SYNGR2: variants seen among roughly 807,000 people sequenced by gnomAD.
The protein encoded by SYNGR2 is synaptogyrin-2.
In SYNGR2, 11 loss-of-function variants were observed where a neutral mutation model predicts 18.7. That is an observed-to-expected ratio of 0.59 (90% CI 0.37 to 0.97). SYNGR2 has a LOEUF of 0.97. Ranked by LOEUF, SYNGR2 falls within the 50% of genes least tolerant of loss-of-function variation. The pLI is 0.01. For missense variants in SYNGR2, 253 were observed against 300.7 expected (o/e 0.84, Z 1.17); for synonymous variants, 127 against 131.0 (o/e 0.97, Z 0.21).
chr17:78,172,309 T>G lies in SYNGR2; in HGVS notation c.*373T>G, dbSNP rs1002089454. Reference sequence around the variant, plus strand: ...GGTCAGGCCGTGGGAGCCGCTATTATCTGCGTTCTCTGCCAAAGACTCGTG... The same window carrying G: ...GGTCAGGCCGTGGGAGCCGCTATTAGCTGCGTTCTCTGCCAAAGACTCGTG... On this transcript the variant is annotated 3_prime_UTR_variant, in exon 4 of 4. Transcript: ENST00000225777. 5 of 469,298 alleles carry G rather than the reference T, an allele frequency of 1.1e-5. No individual in the cohort carries two copies. The East Asian group carries it at 1.7e-4, about 16-fold the overall frequency. 29.1% of individuals were successfully genotyped at this position (469,298 alleles called of 1,614,324 possible). A position where few individuals can be genotyped will look rare whatever the true frequency, so the allele number is the denominator to read the frequency against.
chr17:78,172,314 G>C lies in SYNGR2; in HGVS notation c.*378G>C. 1 of 461,552 alleles carries C rather than the reference G, an allele frequency of 2.2e-6. No homozygotes were observed. The highest frequency in any genetic ancestry group is 3.9e-6 in the Non-Finnish European group (1 of 257,454). 28.6% of individuals were successfully genotyped at this position (461,552 alleles called of 1,614,324 possible). On this transcript the variant is annotated 3_prime_UTR_variant, in exon 4 of 4. Coordinates refer to ENST00000225777, the MANE Select transcript of SYNGR2 (RefSeq NM_004710.7). ...GGCCGTGGGAGCCGCTATTATCTGC[G>C]TTCTCTGCCAAAGACTCGTGGGGGC...
At chr17:78,170,568 A>G (rs142927724) in intron 1 of SYNGR2, 172 of 529,520 alleles carry the variant, frequency 3.2e-4, no homozygotes, top group Non-Finnish European at 5.4e-4. Flanking sequence ...GGCACCTGTA[A>G]TCCCAGCTAC....
Position 78,171,735 on chromosome 17 carries a change from G to A in SYNGR2, c.478-4G>A. 1 of 1,613,982 alleles carries A rather than the reference G, an allele frequency of 6.2e-7. No individual in the cohort carries two copies. Among genetic ancestry groups the A allele is most frequent in the South Asian group, 1.1e-5 (1 of 91,076 alleles). On this transcript the variant is annotated splice_region_variant and splice_polypyrimidine_tract_variant and intron_variant, in intron 3 of 3. Transcript: ENST00000225777. This position sits in a 1 kb window ranked among gnomAD's most constrained non-coding sequence, Gnocchi z 6.6. ...ACCTGTACCCTGCTGTGCTCCCCCT[G>A]CAGGGTGTGCTGGCCTCCCTGGCCT...
rs867962452 is a variant in SYNGR2 at position 78,171,405 on chromosome 17, A to C, written c.338-105A>C. The C allele has an allele frequency of 2.2e-6, 3 of 1,378,804 alleles. No homozygotes were observed. The Middle Eastern group carries it at 5.6e-4, about 259-fold the overall frequency. The allele number at this position is 1,378,804 out of a possible 1,614,324, so 85.4% of individuals were successfully genotyped here. ...CCAAGTCCTCCCCTCCATAGTGTGGAGGCTCCCCCGGGAGGTCCCTGCCCT... is the reference window on the plus strand; with the variant it reads ...CCAAGTCCTCCCCTCCATAGTGTGGCGGCTCCCCCGGGAGGTCCCTGCCCT... On this transcript the variant is annotated intron_variant, in intron 2 of 3. Transcript: ENST00000225777. This position sits in a 1 kb window ranked among gnomAD's most constrained non-coding sequence, Gnocchi z 6.6.
rs1235340644 is a variant in SYNGR2 at position 78,170,959 on chromosome 17, C to T, written c.242C>T (p.Ala81Val). 6.2e-7 allele frequency: 1 copy of T among 1,613,322 alleles called. No individual in the cohort carries two copies. Among genetic ancestry groups the T allele is most frequent in the East Asian group, 2.2e-5 (1 of 44,880 alleles). ...GCCATCGGGGTGCTGGCCTTCCTGGCCTCGGCCTTCTTCTTGGTGGTCGAC... is the reference window on the plus strand; with the variant it reads ...GCCATCGGGGTGCTGGCCTTCCTGGTCTCGGCCTTCTTCTTGGTGGTCGAC... ...GSAIGVLAFL[A>V]SAFFLVVDAY... is the part of the protein sequence containing the mutation. The change falls in exon 2 of 4, where the codon GCC becomes GTC. Residue 81 changes from alanine (A) to valine (V), a missense_variant. Coordinates refer to ENST00000225777, the MANE Select transcript of SYNGR2 (RefSeq NM_004710.7).
Position 78,168,695 on chromosome 17 carries a change from G to T in SYNGR2, c.79G>T (p.Val27Leu). ...GCGCTTCCTGACGCAGCCGCAGGTG[G>T]TGGCGCGCGCCGTGTGCTTGGTGAG... Reference protein sequence around the residue: ...LRRFLTQPQVVARAVCLVFAL... With the variant: ...LRRFLTQPQVLARAVCLVFAL... Residue 27 changes from valine to leucine, a missense_variant, in exon 1 of 4, where the codon GTG (valine) becomes TTG (leucine). Transcript: ENST00000225777. 2 of 1,202,504 alleles carry T rather than the reference G, an allele frequency of 1.7e-6. No homozygotes were observed. The highest frequency in any genetic ancestry group is 2.1e-6 in the Non-Finnish European group (2 of 968,948). The allele number at this position is 1,202,504 out of a possible 1,614,324, so 74.5% of individuals were successfully genotyped here. A position where few individuals can be genotyped will look rare whatever the true frequency, so the allele number is the denominator to read the frequency against.
At chr17:78,170,115 A>G (rs870355) in intron 1 of SYNGR2, 69,208 of 152,252 alleles carry the variant, frequency 0.45, 16,164 homozygotes, top group Admixed American at 0.55. Flanking sequence ...AGTCTTTGTG[A>G]CTTGGCCTGT....
At chr17:78,168,936 C>T (rs1007972964) in intron 1 of SYNGR2, among the ~76,000 whole-genome samples, 2 of 152,096 alleles carry the variant, frequency 1.3e-5, no homozygotes, top group Non-Finnish European at 1.5e-5. Flanking sequence ...CCCACCCCAC[C>T]CCCAGCCTCG....
rs1196777232 is a variant in SYNGR2, at chr17:78,171,399, G to A, written c.338-111G>A. 1 of 1,340,432 alleles carries A rather than the reference G, an allele frequency of 7.5e-7. No individual in the cohort carries two copies. The highest frequency in any genetic ancestry group is 1.5e-5 in the South Asian group (1 of 66,968). The allele number at this position is 1,340,432 out of a possible 1,614,324, so 83.0% of individuals were successfully genotyped here. ...CGGCTTCCAAGTCCTCCCCTCCATA[G>A]TGTGGAGGCTCCCCCGGGAGGTCCC... On this transcript the variant is annotated intron_variant, in intron 2 of 3. Transcript: ENST00000225777. This position sits in a 1 kb window ranked among gnomAD's most constrained non-coding sequence, Gnocchi z 6.6.
At chr17:78,169,250 C>A (rs2075640725) in intron 1 of SYNGR2, 1 of 119,362 alleles carries the variant, frequency 8.4e-6, no homozygotes, top group Admixed American at 8.7e-5. Context: ...CCTCCAAAAC[C>A]AGGTTTTGTG....
chr17:78,171,464 G>T lies in SYNGR2; in HGVS notation c.338-46G>T. 3 of 1,510,762 alleles carry T rather than the reference G, an allele frequency of 2.0e-6. No homozygotes were observed. The highest frequency in any genetic ancestry group is 2.7e-6 in the Non-Finnish European group (3 of 1,130,324). 93.6% of individuals were successfully genotyped at this position (1,510,762 alleles called of 1,614,324 possible). A position where few individuals can be genotyped will look rare whatever the true frequency, so the allele number is the denominator to read the frequency against. ...GCGTCCCCTCCCAGAGTCCTGGAAA[G>T]CCCCTCCCTTTCCATGGAACTGACG... On this transcript the variant is annotated intron_variant, in intron 2 of 3. Coordinates refer to ENST00000225777, the MANE Select transcript of SYNGR2 (RefSeq NM_004710.7). This position sits in a 1 kb window ranked among gnomAD's most constrained non-coding sequence, Gnocchi z 6.6.
Position 78,170,983 on chromosome 17 carries a change from A to T in SYNGR2, c.266A>T (p.Asp89Val). The change falls in exon 2 of 4, where the codon GAC (aspartate) becomes GTC (valine). Residue 89 changes from aspartate (D) to valine (V), a missense_variant. Asp to Val is a radical substitution (Grantham distance 152). Coordinates refer to ENST00000225777, the MANE Select transcript of SYNGR2 (RefSeq NM_004710.7). ...GCCTCGGCCTTCTTCTTGGTGGTCGACGCGTATTTCCCCCAGATCAGCAAC... is the reference window on the plus strand; with the variant it reads ...GCCTCGGCCTTCTTCTTGGTGGTCGTCGCGTATTTCCCCCAGATCAGCAAC... Reference protein sequence around the residue: ...FLASAFFLVVDAYFPQISNAT... With the variant: ...FLASAFFLVVVAYFPQISNAT... 5 of 1,556,556 alleles carry T rather than the reference A, an allele frequency of 3.2e-6. No homozygotes were observed. The highest frequency in any genetic ancestry group is 4.3e-6 in the Non-Finnish European group (5 of 1,152,988).
At position 78,170,965 on chromosome 17, in the gene SYNGR2, CCTT is replaced by C. The variant is rs750819500; in HGVS notation, c.255_257del (p.Phe85del). 2.0e-4 allele frequency: 321 copies of C among 1,613,272 alleles called. No homozygotes were observed. Among genetic ancestry groups the C allele is most frequent in the Non-Finnish European group, 2.7e-4 (318 of 1,180,026 alleles). On this transcript the variant is annotated inframe_deletion, in exon 2 of 4. Transcript: ENST00000225777. ...GGGGTGCTGGCCTTCCTGGCCTCGG[CCTT>C]CTTCTTGGTGGTCGACGCGTATTTC...
chr17:78,170,737 T>C (rs760109207), intron 1 of SYNGR2, 80 bp from the exon 2 acceptor site: 70 of 1,225,508 alleles, frequency 5.7e-5, no homozygotes, highest in Non-Finnish European at 6.9e-5. Flanking sequence ...GAGGCCAGCA[T>C]CTGTACACCC....
rs142608913 is a variant in SYNGR2, at chr17:78,168,698, G to A, written c.82G>A (p.Ala28Thr). 1 of 1,202,120 alleles carries A rather than the reference G, an allele frequency of 8.3e-7. No homozygotes were observed. The highest frequency in any genetic ancestry group is 4.1e-5 in the South Asian group (1 of 24,100). 74.5% of individuals were successfully genotyped at this position (1,202,120 alleles called of 1,614,324 possible). ...RRFLTQPQVVARAVCLVFALI... is the reference protein window; with the variant it reads ...RRFLTQPQVVTRAVCLVFALI... ...CTTCCTGACGCAGCCGCAGGTGGTG[G>A]CGCGCGCCGTGTGCTTGGTGAGCCC... is the stretch of plus-strand genomic sequence containing the variant. The change falls in exon 1 of 4, where the codon GCG becomes ACG. Residue 28 changes from alanine to threonine, a missense_variant. By Grantham distance (58) the Ala-to-Thr change is moderately conservative. Transcript: ENST00000225777.
At position 78,172,333 on chromosome 17, in the gene SYNGR2, T is replaced by G; in HGVS notation, c.*397T>G. On this transcript the variant is annotated 3_prime_UTR_variant, in exon 4 of 4. Coordinates refer to ENST00000225777, the MANE Select transcript of SYNGR2 (RefSeq NM_004710.7). ...ATCTGCGTTCTCTGCCAAAGACTCG[T>G]GGGGGCCATCACACCTGCCCTGTGC... 6 of 418,282 alleles carry G rather than the reference T, an allele frequency of 1.4e-5. No individual in the cohort carries two copies. Among genetic ancestry groups the G allele is most frequent in the Non-Finnish European group, 2.2e-5 (5 of 230,578 alleles). The allele number at this position is 418,282 out of a possible 1,614,324, so 25.9% of individuals were successfully genotyped here. A position where few individuals can be genotyped will look rare whatever the true frequency, so the allele number is the denominator to read the frequency against.
At position 78,168,732 on chromosome 17, in the gene SYNGR2, C is replaced by A. The variant is rs1378449793; in HGVS notation, c.99+17C>A. 2 of 1,194,630 alleles carry A rather than the reference C, an allele frequency of 1.7e-6. No individual in the cohort carries two copies. Among genetic ancestry groups the A allele is most frequent in the Non-Finnish European group, 2.1e-6 (2 of 964,084 alleles). 74.0% of individuals were successfully genotyped at this position (1,194,630 alleles called of 1,614,324 possible). A position where few individuals can be genotyped will look rare whatever the true frequency, so the allele number is the denominator to read the frequency against. ...GTGTGCTTGGTGAGCCCGGGGAGGG[C>A]GGGCCGAGGGCACCCTGGGGACCCC... On this transcript the variant is annotated intron_variant, in intron 1 of 3. Coordinates refer to ENST00000225777, the MANE Select transcript of SYNGR2 (RefSeq NM_004710.7).
In SYNGR2 at chr17:78,171,462, A is replaced by G; in HGVS notation, c.338-48A>G. 2 of 1,510,084 alleles carry G rather than the reference A, an allele frequency of 1.3e-6. No individual in the cohort carries two copies. Among genetic ancestry groups the G allele is most frequent in the Non-Finnish European group, 1.8e-6 (2 of 1,129,826 alleles). The allele number at this position is 1,510,084 out of a possible 1,614,324, so 93.5% of individuals were successfully genotyped here. A position where few individuals can be genotyped will look rare whatever the true frequency, so the allele number is the denominator to read the frequency against. On this transcript the variant is annotated intron_variant, in intron 2 of 3. Transcript: ENST00000225777. This position sits in a 1 kb window ranked among gnomAD's most constrained non-coding sequence, Gnocchi z 6.6. Reference sequence around the variant, plus strand: ...CCGCGTCCCCTCCCAGAGTCCTGGAAAGCCCCTCCCTTTCCATGGAACTGA... The same window carrying G: ...CCGCGTCCCCTCCCAGAGTCCTGGAGAGCCCCTCCCTTTCCATGGAACTGA...
rs180894240 is a variant in SYNGR2, at chr17:78,172,192, C to A, written c.*256C>A. The A allele has an allele frequency of 2.5e-6, 2 of 811,860 alleles. No homozygotes were observed. The highest frequency in any genetic ancestry group is 1.7e-5 in the African/African-American group (1 of 58,000). The allele number at this position is 811,860 out of a possible 1,614,324, so 50.3% of individuals were successfully genotyped here. On this transcript the variant is annotated 3_prime_UTR_variant, in exon 4 of 4. Coordinates refer to ENST00000225777, the MANE Select transcript of SYNGR2 (RefSeq NM_004710.7). The stretch of plus-strand genomic sequence containing the variant: ...AGGGTTTTTAGCTAGTGTTTTTCCT[C>A]GCTTTTAATGACCTCAGCCCCGCCT...
Sources: allele counts gnomAD v4.1 joint callset (sites outside exome capture counted in the v4.1 genomes callset), GRCh38; gene constraint gnomAD v4.1.1; non-coding constraint Gnocchi (gnomAD v3.1); transcripts MANE v1.5; gene names NCBI Gene and HGNC (gene_info 2026-07-23, HGNC 2026-07-21).